RBM6: variants seen among roughly 807,000 people sequenced by gnomAD.
RBM6 encodes RNA-binding protein 6.
A neutral mutation model predicts 140.4 loss-of-function variants in RBM6; 23 were observed. The ratio of observed to expected loss-of-function variants is 0.16; its 90% CI spans 0.12 to 0.23. The LOEUF (loss-of-function observed/expected upper bound fraction) is 0.23. RBM6 is among the 10% of genes least tolerant of loss of function. RBM6 has a pLI of 1.00. For synonymous variants in RBM6, 439 were observed against 475.6 expected (o/e 0.92, Z 1.00); for missense variants, 1,139 against 1,386.7 (o/e 0.82, Z 2.84).
At chr3:49,948,119 C>G (rs544300516) in intron 1 of RBM6, among the ~76,000 whole-genome samples, 53 of 152,112 alleles carry the variant, frequency 3.5e-4, no homozygotes, top group African/African-American at 1.2e-3. Context: ...AGAAAATTGA[C>G]CATATATGTG....
At position 50,050,241 on chromosome 3, in the gene RBM6, TC is replaced by T. The variant is rs1353781940; in HGVS notation, c.1632+1926del. On this transcript the variant is annotated intron_variant, in intron 7 of 20. Transcript: ENST00000266022. Reference sequence around the variant, plus strand: ...AACTTCCCACTTCTTCTTCCCCCAGTCCCCAGAAACCATTAATCTTTTTTCT... The same window carrying T: ...AACTTCCCACTTCTTCTTCCCCCAGTCCCAGAAACCATTAATCTTTTTTCT... 3.9e-5 allele frequency among the ~76,000 whole-genome samples: 6 copies of T among 152,236 alleles called. No homozygotes were observed. The East Asian group carries it at 1.2e-3, about 29-fold the overall frequency.
At chr3:50,039,362 C>G (rs1355147679) in intron 6 of RBM6, among the ~76,000 whole-genome samples, 7 of 152,130 alleles carry the variant, frequency 4.6e-5, no homozygotes, top group African/African-American at 2.4e-5. Context: ...GCCTCAGCCT[C>G]CCGAGTAGCT....
Position 49,967,473 on chromosome 3 carries a change from G to A in RBM6, c.48G>A (p.Gly16=), listed in dbSNP as rs1274716117. Residue 16 remains glycine, a synonymous_variant, in exon 3 of 21, where the codon GGG becomes GGA. Coordinates refer to ENST00000266022, the MANE Select transcript of RBM6 (RefSeq NM_005777.3). The surrounding 1 kb of genome is among the most constrained non-coding windows in gnomAD (Gnocchi z 4.0). ...AACACTGTCTTTGTTTCTACAGTGG[G>A]AGCCAAGAAGAAAGGTTTGCTCCCG... ...RPANRTGPFR[G]SQEERFAPGW... The A allele has an allele frequency of 6.2e-7, 1 of 1,612,624 alleles. No homozygotes were observed. The highest frequency in any genetic ancestry group is 1.7e-5 in the Admixed American group (1 of 59,888).
chr3:49,959,954 C>T (rs541743720), intron 1 of RBM6, among the ~76,000 whole-genome samples: 75 of 152,252 alleles, frequency 4.9e-4, no homozygotes, highest in African/African-American at 1.7e-3. Context: ...TTTGGAATGT[C>T]CTAATTTGCC....
At chr3:50,019,798 G>GTT (rs34185097) in intron 6 of RBM6, among the ~76,000 whole-genome samples, 2 of 147,396 alleles carry the variant, frequency 1.4e-5, no homozygotes, top group Admixed American at 6.8e-5. Flanking sequence ...TTGCTGAGAG[G>GTT]TTTTTTTTTT....
intron 6 of RBM6, among the ~76,000 whole-genome samples, chr3:50,026,964 C>T (rs1405694085): frequency 6.6e-6 from 1 of 151,702 alleles, no homozygotes; most frequent in Non-Finnish European, 1.5e-5. Flanking sequence ...ATTTCATTCG[C>T]ATCCCTAAAA....
intron 3 of RBM6, among the ~76,000 whole-genome samples, chr3:49,970,210 G>C (rs1291187609): frequency 1.3e-5 from 2 of 151,950 alleles, no homozygotes; most frequent in Admixed American, 1.3e-4. Context: ...CAAAGAGCTG[G>C]GATTTCAGGC....
At chr3:49,949,718 T>G (rs2083650555) in intron 1 of RBM6, among the ~76,000 whole-genome samples, 1 of 152,020 alleles carries the variant, frequency 6.6e-6, no homozygotes, top group African/African-American at 2.4e-5. Flanking sequence ...TTTCACCGTC[T>G]TTGCCAGGAT....
At chr3:50,053,168 G>A (rs1343251847) in intron 7 of RBM6, among the ~76,000 whole-genome samples, 1 of 152,092 alleles carries the variant, frequency 6.6e-6, no homozygotes, top group Non-Finnish European at 1.5e-5. Context: ...ATTTCATGAA[G>A]TTTATTGGGG....
At chr3:49,971,012 A>G (rs140482474) in intron 3 of RBM6, among the ~76,000 whole-genome samples, 1 of 152,266 alleles carries the variant, frequency 6.6e-6, no homozygotes, top group East Asian at 1.9e-4. Context: ...CTTGCCTGTA[A>G]TCCCAACACT....
chr3:50,054,167 C>G, intron 7 of RBM6, 168 bp from the exon 8 acceptor site: 1 of 600,560 alleles, frequency 1.7e-6, no homozygotes, highest in South Asian at 2.2e-5. Flanking sequence ...CTCATCAGAT[C>G]CCATCTGCCA....
chr3:50,070,204 AATTAGCTGGGC>A (rs551079547), intron 18 of RBM6, among the ~76,000 whole-genome samples: 54 of 151,968 alleles, frequency 3.6e-4, no homozygotes, highest in Non-Finnish European at 7.4e-4. Flanking sequence ...AAAATAGAAA[AATTAGCTGGGC>A]ATTGTGGCAC....
At position 50,048,254 on chromosome 3, in the gene RBM6, A is replaced by C. The variant is rs2089308139; in HGVS notation, c.1567A>C (p.Met523Leu). The C allele has an allele frequency of 6.2e-7, 1 of 1,613,160 alleles. No individual in the cohort carries two copies. The highest frequency in any genetic ancestry group is 1.7e-5 in the Admixed American group (1 of 59,886). ...GTCTTTGTCTTTACAGGGAACTCTA[A>C]TGATCCAGGACAAAGAAGTTACCCT... is the stretch of plus-strand genomic sequence containing the variant. The part of the protein sequence containing the change: ...GCMEANQGTL[M>L]IQDKEVTLEY... The change falls in exon 7 of 21, where the codon ATG (methionine) becomes CTG (leucine). Residue 523 changes from methionine to leucine, a missense_variant. This residue lies in a region of RBM6 where 58 missense variants were observed against 99.7 expected (regional missense o/e 0.58). Transcript: ENST00000266022.
intron 7 of RBM6, 95 bp downstream of exon 7, chr3:50,048,414 A>G: frequency 6.6e-7 from 1 of 1,521,466 alleles, no homozygotes; most frequent in Non-Finnish European, 8.8e-7. Context: ...TGCATTCCCA[A>G]GGACAAAGCT....
chr3:49,973,150 G>C (rs915499437), intron 4 of RBM6, among the ~76,000 whole-genome samples: 1 of 151,144 alleles, frequency 6.6e-6, no homozygotes, highest in Non-Finnish European at 1.5e-5. Flanking sequence ...TTTTTTTGAG[G>C]CAGCGTCTCA....
chr3:50,038,948 CTAAAA>C (rs1559617909), intron 6 of RBM6, among the ~76,000 whole-genome samples: 1 of 152,160 alleles, frequency 6.6e-6, no homozygotes, highest in Non-Finnish European at 1.5e-5. Flanking sequence ...TTATCTGGGA[CTAAAA>C]GCCCTTGCCC....
In RBM6 at chr3:49,967,157, A is replaced by G. The variant is rs562952040; in HGVS notation, c.45-313A>G. 3.0e-4 allele frequency: 305 copies of G among 1,020,282 alleles called. 3 individuals are homozygous for G. Among genetic ancestry groups the G allele is most frequent in the Non-Finnish European group, 2.7e-4 (228 of 833,068 alleles). The allele number at this position is 1,020,282 out of a possible 1,614,324, so 63.2% of individuals were successfully genotyped here. Reference sequence around the variant, plus strand: ...ATGGAAATTTTTGTAGTATGTCACCATTGTTAGCTTATTTGGTATTGCGGA... The same window carrying G: ...ATGGAAATTTTTGTAGTATGTCACCGTTGTTAGCTTATTTGGTATTGCGGA... On this transcript the variant is annotated intron_variant, in intron 2 of 20. Coordinates refer to ENST00000266022, the MANE Select transcript of RBM6 (RefSeq NM_005777.3). The surrounding 1 kb of genome is among the most constrained non-coding windows in gnomAD (Gnocchi z 4.0).
chr3:49,965,839 A>G (rs539533721), intron 2 of RBM6, among the ~76,000 whole-genome samples: 1 of 151,782 alleles, frequency 6.6e-6, no homozygotes, highest in Non-Finnish European at 1.5e-5. Context: ...ACTTTAAGAA[A>G]GGGTTGGCCG....
chr3:50,012,321 T>C (rs767977384), intron 6 of RBM6, among the ~76,000 whole-genome samples: 1 of 152,140 alleles, frequency 6.6e-6, no homozygotes, highest in Non-Finnish European at 1.5e-5. Flanking sequence ...GTGCTGGGAT[T>C]ACAGGCATGA....
Sources: allele counts gnomAD v4.1 joint callset (sites outside exome capture counted in the v4.1 genomes callset), GRCh38; gene constraint gnomAD v4.1.1; regional missense constraint gnomAD v4.1.1; non-coding constraint Gnocchi (gnomAD v3.1); transcripts MANE v1.5; gene names NCBI Gene and HGNC (gene_info 2026-07-23, HGNC 2026-07-21).